Variants in PNPT1 observed in about 807,000 individuals in gnomAD.
PNPT1 encodes the protein polyribonucleotide nucleotidyltransferase 1, mitochondrial.
Under a neutral mutation model 119.5 loss-of-function variants are expected in PNPT1, and 53 were observed. That is an observed-to-expected ratio of 0.44 (90% confidence interval 0.36 to 0.56). PNPT1 has a LOEUF of 0.56. Ranked by LOEUF, PNPT1 falls within the 20% of genes least tolerant of loss-of-function variation. The pLI is 0.00. For synonymous variants in PNPT1, 357 were observed against 322.1 expected (o/e 1.11, Z -1.16); for missense variants, 948 against 938.5 (o/e 1.01, Z -0.13).
At chr2:55,681,891 C>A (rs1410975657) in intron 5 of PNPT1, among the ~76,000 whole-genome samples, 4 of 151,308 alleles carry the variant, frequency 2.6e-5, no homozygotes, top group African/African-American at 9.7e-5. Context: ...CCTGTAATCC[C>A]AGCATGTTGG....
chr2:55,642,605 C>CAAA (rs559417017), intron 25 of PNPT1, among the ~76,000 whole-genome samples: 86 of 44,130 alleles, frequency 1.9e-3, no homozygotes, highest in East Asian at 5.0e-3. Flanking sequence ...GACTCTGTCC[C>CAAA]AAAAAAAAAA....
intron 8 of PNPT1, among the ~76,000 whole-genome samples, chr2:55,673,665 G>T (rs1696981484): frequency 6.6e-6 from 1 of 151,992 alleles, no homozygotes; most frequent in African/African-American, 2.4e-5. Context: ...AGCCAGGATG[G>T]TCTCAATCTC....
rs752759589 is a variant in PNPT1, at chr2:55,679,694, T to C, written c.667A>G (p.Lys223Glu). ...TLNLVVAGAP[K>E]SQIVMLEASA... Reference sequence around the variant, plus strand: ...TAAAACAACTTACCAATCTGACTTTTAGGTGCTCCAGCAACCACTAAATTT... The same window carrying C: ...TAAAACAACTTACCAATCTGACTTTCAGGTGCTCCAGCAACCACTAAATTT... Residue 223 changes from lysine to glutamate, a missense_variant, in exon 8 of 28, where the codon AAA becomes GAA. Coordinates refer to ENST00000447944, the MANE Select transcript of PNPT1 (RefSeq NM_033109.5). 52 of 1,606,098 alleles carry C rather than the reference T, an allele frequency of 3.2e-5. 1 individual carries two copies. In the Admixed American group the frequency reaches 7.2e-4, roughly 22 times the overall value.
At chr2:55,691,860 ATATATATATATATATATATTTTTTT>A (rs1697612282) in intron 1 of PNPT1, among the ~76,000 whole-genome samples, 2 of 46,672 alleles carry the variant, frequency 4.3e-5, no homozygotes, top group African/African-American at 1.5e-4. Flanking sequence ...ATATATATAT[ATATATATATATATATATATTTTTTT>A]TTTTTTTTTT....
chr2:55,683,369 C>T (rs1697305313), intron 5 of PNPT1, among the ~76,000 whole-genome samples: 2 of 152,062 alleles, frequency 1.3e-5, no homozygotes, highest in African/African-American at 4.8e-5. Flanking sequence ...AATCCTAGCA[C>T]TTTGGGAGGC....
chr2:55,651,898 A>C lies in PNPT1; in HGVS notation c.1495+3002T>G, dbSNP rs535990651. Among the ~76,000 whole-genome samples the C allele has an allele frequency of 6.4e-4, 97 of 151,448 alleles. 2 individuals carry two copies. Among genetic ancestry groups the C allele is most frequent in the African/African-American group, 2.0e-3 (81 of 41,456 alleles). The stretch of plus-strand genomic sequence containing the variant: ...AAAAAGGAAAGTCAAAAAAAAAAAA[A>C]AAAAAACAATAACCTTCAACATATG... On this transcript the variant is annotated intron_variant, in intron 18 of 27. Coordinates refer to ENST00000447944, the MANE Select transcript of PNPT1 (RefSeq NM_033109.5).
chr2:55,652,442 A>T (rs1696241366), intron 18 of PNPT1, among the ~76,000 whole-genome samples: 1 of 152,090 alleles, frequency 6.6e-6, no homozygotes, highest in Non-Finnish European at 1.5e-5. Context: ...TATCCTGCTC[A>T]ATTTTGTCAG....
intron 25 of PNPT1, among the ~76,000 whole-genome samples, chr2:55,642,105 G>T (rs1009153869): frequency 6.6e-6 from 1 of 152,006 alleles, no homozygotes; most frequent in Non-Finnish European, 1.5e-5. Flanking sequence ...CTCCCAAAGA[G>T]CTGGGATTAC....
chr2:55,690,796 T>C (rs1315363584), intron 1 of PNPT1, among the ~76,000 whole-genome samples: 7 of 152,174 alleles, frequency 4.6e-5, no homozygotes, highest in African/African-American at 1.7e-4. Flanking sequence ...AAAATGGGTC[T>C]CCTGTGACTA....
At chr2:55,689,574 GACA>G (rs1361175555) in intron 1 of PNPT1, among the ~76,000 whole-genome samples, 2 of 152,158 alleles carry the variant, frequency 1.3e-5, no homozygotes, top group East Asian at 1.9e-4. Flanking sequence ...GATAAACCCT[GACA>G]ACATTATGTT....
chr2:55,672,072 G>T (rs369781951), intron 9 of PNPT1, 26 bp from the exon 10 acceptor site: 2 of 1,526,390 alleles, frequency 1.3e-6, no homozygotes, highest in Non-Finnish European at 1.8e-6. Flanking sequence ...ATAAATGTTA[G>T]CATAATAATA....
At position 55,693,727 on chromosome 2, in the gene PNPT1, A is replaced by G. The variant is rs965879945; in HGVS notation, c.97T>C (p.Leu33=). The change falls in exon 1 of 28, where the codon TTG becomes CTG. Residue 33 remains leucine (L), a synonymous_variant. Transcript: ENST00000447944. ...CTACTCCATAGTGCTCGCACTTGCA[A>G]CTGGGTGAGTGCCCGATCCCGCCGT... The part of the protein sequence containing the change: ...LPRRDRALTQ[L]QVRALWSSAG... 4.3e-6 allele frequency: 7 copies of G among 1,614,062 alleles called. No homozygotes were observed. In the Admixed American group the frequency reaches 1.0e-4, roughly 23 times the overall value.
At chr2:55,673,803 A>C (rs782628) in intron 8 of PNPT1, among the ~76,000 whole-genome samples, 136,965 of 152,170 alleles carry the variant, frequency 0.9, 62,229 homozygotes, top group African/African-American at 0.96. Context: ...TGTTTATATT[A>C]TTTGCCAAAG....
chr2:55,645,546 T>G lies in PNPT1; in HGVS notation c.1739-114A>C, dbSNP rs527570807. 2.1e-5 allele frequency: 13 copies of G among 628,968 alleles called. No homozygotes were observed. The South Asian group carries it at 2.6e-4, about 13-fold the overall frequency. 39.0% of individuals were successfully genotyped at this position (628,968 alleles called of 1,614,324 possible). A position where few individuals can be genotyped will look rare whatever the true frequency, so the allele number is the denominator to read the frequency against. ...AACCCTGTAGCTTAATAATTGAAGC[T>G]TTCCACATCCCTATTACCTTGAAAA... On this transcript the variant is annotated intron_variant, in intron 21 of 27. Coordinates refer to ENST00000447944, the MANE Select transcript of PNPT1 (RefSeq NM_033109.5).
In PNPT1 at chr2:55,635,576, T is replaced by A. The variant is rs1327744723; in HGVS notation, c.*661A>T. The A allele has an allele frequency of 6.6e-6, 1 of 152,202 alleles. No individual in the cohort carries two copies. Among genetic ancestry groups the A allele is most frequent in the African/African-American group, 2.4e-5 (1 of 41,438 alleles). The allele number at this position is 152,202 out of a possible 1,614,324, so 9.4% of individuals were successfully genotyped here. On this transcript the variant is annotated 3_prime_UTR_variant, in exon 28 of 28. Coordinates refer to ENST00000447944, the MANE Select transcript of PNPT1 (RefSeq NM_033109.5). ...GATCCGCCTGCCTTAGCCAATAATC[T>A]TTCTGTTTAGGTAAATTTGAAAAAT...
Position 55,635,995 on chromosome 2 carries a change from T to C in PNPT1, c.*242A>G, listed in dbSNP as rs1695659079. 1 of 239,182 alleles carries C rather than the reference T, an allele frequency of 4.2e-6. No individual in the cohort carries two copies. The highest frequency in any genetic ancestry group is 1.6e-4 in the South Asian group (1 of 6,294). 14.8% of individuals were successfully genotyped at this position (239,182 alleles called of 1,614,324 possible). On this transcript the variant is annotated 3_prime_UTR_variant, in exon 28 of 28. Transcript: ENST00000447944. ...CAAAACTATGTAATTTTTTCTAAGA[T>C]GTATAAATGACTTACTTTTAATAAT...
At chr2:55,646,985 GCCA>G (rs1696023967) in intron 19 of PNPT1, among the ~76,000 whole-genome samples, 1 of 152,056 alleles carries the variant, frequency 6.6e-6, no homozygotes, top group Non-Finnish European at 1.5e-5. Context: ...ACAGGTGTGT[GCCA>G]CCATGCCCAG....
chr2:55,673,451 C>CTT (rs1235731095), intron 8 of PNPT1, among the ~76,000 whole-genome samples: 25 of 143,354 alleles, frequency 1.7e-4, no homozygotes, highest in Non-Finnish European at 2.6e-4. Flanking sequence ...GTTTTTAATA[C>CTT]TTTTTTTTTT....
At position 55,666,173 on chromosome 2, in the gene PNPT1, C is replaced by T. The variant is rs577878261; in HGVS notation, c.1176+818G>A. ...AGTGACAAAAGCAGATCAGTAGTCT[C>T]CTGAGGAGGTGGGGGGCAGGAAGAA... On this transcript the variant is annotated intron_variant, in intron 13 of 27. Coordinates refer to ENST00000447944, the MANE Select transcript of PNPT1 (RefSeq NM_033109.5). Among the ~76,000 whole-genome samples, 18 of 152,258 alleles carry T rather than the reference C, an allele frequency of 1.2e-4. No homozygotes were observed. In the South Asian group the frequency reaches 3.7e-3, roughly 32 times the overall value.
Sources: gnomAD v4.1 joint callset for allele counts (sites outside exome capture counted in the v4.1 genomes callset) on GRCh38, gnomAD v4.1.1 for gene constraint, MANE v1.5 for transcripts, NCBI Gene and HGNC (gene_info 2026-07-23, HGNC 2026-07-21) for gene names.